The following FAT3 variants were observed in gnomAD, a reference collection of about 807,000 sequenced individuals.
FAT3 encodes the protein FAT atypical cadherin 3, also known as protocadherin Fat 3.
In FAT3, 95 loss-of-function variants were observed where a neutral mutation model predicts 310.2. The ratio of observed to expected loss-of-function variants is 0.31; its 90% CI spans 0.26 to 0.36. FAT3 has a LOEUF of 0.36. Among genes scored for constraint, FAT3 ranks in the 10% least tolerant of loss-of-function variants. The pLI, the probability that FAT3 is intolerant of heterozygous loss-of-function variation, is 1.00. For missense variants in FAT3, 5,408 were observed against 5,715.6 expected, an observed-to-expected ratio of 0.95 and a Z score of 1.74; for synonymous variants, 2,314 against 2,192.9, an observed-to-expected ratio of 1.06 and a Z score of -1.54.
intron 19 of FAT3, among the ~76,000 whole-genome samples, 156 bp downstream of exon 19, chr11:92,844,888 A>G (rs767706624): frequency 7.9e-5 from 12 of 152,368 alleles, no homozygotes; most frequent in Middle Eastern, 6.8e-3. Flanking sequence ...CTGGGGCTGC[A>G]GGAGGTACAG....
rs186782310 is a variant in FAT3, at chr11:92,460,516, T to G, written c.3293-64118T>G. On this transcript the variant is annotated intron_variant, in intron 2 of 27. Transcript: ENST00000525166. ...AGTGTGTATTGGTTTGGATTTCACT[T>G]TTCTAACAGTGGTATTTTAACAGGC... is the stretch of plus-strand genomic sequence containing the variant. Among the ~76,000 whole-genome samples the G allele has an allele frequency of 5.0e-4, 76 of 152,336 alleles. 1 individual carries two copies. Among genetic ancestry groups the G allele is most frequent in the Admixed American group, 9.1e-4 (14 of 15,304 alleles).
intron 25 of FAT3, among the ~76,000 whole-genome samples, chr11:92,888,846 G>A (rs1287935713): frequency 2.0e-5 from 3 of 152,170 alleles, no homozygotes; most frequent in African/African-American, 7.2e-5. Context: ...AGTTGTTAAC[G>A]ATAAATTAGC....
chr11:92,543,001 A>T (rs1954500996), intron 3 of FAT3, among the ~76,000 whole-genome samples: 2 of 152,180 alleles, frequency 1.3e-5, no homozygotes, highest in Non-Finnish European at 2.9e-5. Flanking sequence ...GCTGTAAAAA[A>T]GAATGAAATC....
At chr11:92,480,948 T>C (rs1952207251) in intron 2 of FAT3, among the ~76,000 whole-genome samples, 1 of 152,230 alleles carries the variant, frequency 6.6e-6, no homozygotes, top group African/African-American at 2.4e-5. Flanking sequence ...AAACTACTAA[T>C]GTTATGTCCA....
chr11:92,807,483 A>G (rs1201277564), intron 12 of FAT3, among the ~76,000 whole-genome samples: 1 of 152,188 alleles, frequency 6.6e-6, no homozygotes, highest in Non-Finnish European at 1.5e-5. Flanking sequence ...TATTAGCATC[A>G]AGTAAGCGGA....
chr11:92,866,037 C>T (rs540081347), intron 21 of FAT3, among the ~76,000 whole-genome samples: 8 of 152,284 alleles, frequency 5.3e-5, no homozygotes, highest in African/African-American at 1.9e-4. Flanking sequence ...TTTACCTAAA[C>T]CATGAGCATC....
chr11:92,692,869 C>A (rs1943834789), intron 3 of FAT3, among the ~76,000 whole-genome samples: 1 of 152,212 alleles, frequency 6.6e-6, no homozygotes, highest in East Asian at 1.9e-4. Flanking sequence ...ACCTGCATTT[C>A]TTCAAGTAGC....
At chr11:92,579,686 A>T (rs1212472326) in intron 3 of FAT3, among the ~76,000 whole-genome samples, 1 of 152,122 alleles carries the variant, frequency 6.6e-6, no homozygotes, top group Non-Finnish European at 1.5e-5. Flanking sequence ...TTAAAGAAAA[A>T]AAATACCATT....
intron 3 of FAT3, among the ~76,000 whole-genome samples, chr11:92,583,443 A>G (rs1938930931): frequency 6.6e-6 from 1 of 152,154 alleles, no homozygotes; most frequent in East Asian, 1.9e-4. Context: ...TGAGATACCT[A>G]TATATTATCT....
chr11:92,676,938 T>TG (rs1044215256), intron 3 of FAT3, among the ~76,000 whole-genome samples: 1 of 152,224 alleles, frequency 6.6e-6, no homozygotes, highest in African/African-American at 2.4e-5. Flanking sequence ...AAAGAAAGGC[T>TG]GGGATCTGGT....
At position 92,873,064 on chromosome 11, in the gene FAT3, C is replaced by T. The variant is rs148477046; in HGVS notation, c.12127+5855C>T. On this transcript the variant is annotated intron_variant, in intron 22 of 27. Transcript: ENST00000525166. ...GTTTATGAGCAATATAGAGAGGAAG[C>T]TGATTTCAGGATCTATAGTAATTAC... 1.9e-3 allele frequency among the ~76,000 whole-genome samples: 282 copies of T among 152,296 alleles called. 2 individuals carry two copies. The highest frequency in any genetic ancestry group is 6.6e-3 in the African/African-American group (274 of 41,560).
intron 3 of FAT3, among the ~76,000 whole-genome samples, chr11:92,563,129 T>C (rs1955293762): frequency 6.6e-6 from 1 of 152,242 alleles, no homozygotes; most frequent in Non-Finnish European, 1.5e-5. Context: ...TGTTACGTTG[T>C]ACCCATGGAT....
In FAT3 at chr11:92,801,593, A is replaced by G; in HGVS notation, c.8580A>G (p.Glu2860=). The change falls in exon 10 of 28, where the codon GAA becomes GAG. Residue 2860 remains glutamate, a synonymous_variant. Coordinates refer to ENST00000525166, the MANE Select transcript of FAT3 (RefSeq NM_001367949.2). ...TYSLHSDSQP[E]KVMEAFNIDS... ...CCCTCCACTCGGATTCCCAGCCCGA[A>G]AAGGTAATGGAAGCATTCAATATTG... The G allele has an allele frequency of 6.2e-7, 1 of 1,612,310 alleles. No individual in the cohort carries two copies. The highest frequency in any genetic ancestry group is 8.5e-7 in the Non-Finnish European group (1 of 1,179,080).
rs759517171 is a variant in FAT3, at chr11:92,801,368, C to T, written c.8355C>T (p.Ala2785=). 6.2e-7 allele frequency: 1 copy of T among 1,613,900 alleles called. No individual in the cohort carries two copies. The highest frequency in any genetic ancestry group is 1.1e-5 in the South Asian group (1 of 91,052). Reference sequence around the variant, plus strand: ...CAGCTTTCCACTTTAAAGTAGCAGCCACTATACCCCTGGACAAAGTAGACA... The same window carrying T: ...CAGCTTTCCACTTTAAAGTAGCAGCTACTATACCCCTGGACAAAGTAGACA... The part of the protein sequence containing the change: ...TSPAFHFKVA[A]TIPLDKVDIV... Residue 2785 remains alanine (A), a synonymous_variant, in exon 10 of 28, where the codon GCC becomes GCT. Coordinates refer to ENST00000525166, the MANE Select transcript of FAT3 (RefSeq NM_001367949.2).
intron 1 of FAT3, among the ~76,000 whole-genome samples, chr11:92,296,125 A>G (rs1406153784): frequency 1.3e-5 from 2 of 152,140 alleles, no homozygotes; most frequent in African/African-American, 4.8e-5. Flanking sequence ...ATTCTGGTCC[A>G]ACTCTGGACC....
At chr11:92,682,103 GT>G (rs1308247773) in intron 3 of FAT3, among the ~76,000 whole-genome samples, 1 of 152,178 alleles carries the variant, frequency 6.6e-6, no homozygotes, top group South Asian at 2.1e-4. Flanking sequence ...GACAACTTGA[GT>G]TTCAAATCTC....
intron 2 of FAT3, among the ~76,000 whole-genome samples, chr11:92,432,107 A>G (rs948180979): frequency 6.6e-6 from 1 of 152,110 alleles, no homozygotes; most frequent in African/African-American, 2.4e-5. Flanking sequence ...CATTTTCACA[A>G]TATTGATTCT....
intron 3 of FAT3, among the ~76,000 whole-genome samples, chr11:92,613,312 A>G (rs1940653388): frequency 6.6e-6 from 1 of 152,268 alleles, no homozygotes; most frequent in Non-Finnish European, 1.5e-5. Flanking sequence ...TCTACCTTCT[A>G]TTTAGGACTT....
intron 3 of FAT3, among the ~76,000 whole-genome samples, chr11:92,554,884 C>T (rs1037250076): frequency 2.0e-5 from 3 of 152,154 alleles, no homozygotes; most frequent in East Asian, 1.9e-4. Context: ...CTGATCCTGC[C>T]GTGTCTGCTG....
Sources: gnomAD v4.1 joint callset for allele counts (sites outside exome capture counted in the v4.1 genomes callset) on GRCh38, gnomAD v4.1.1 for gene constraint, MANE v1.5 for transcripts, NCBI Gene and HGNC (gene_info 2026-07-23, HGNC 2026-07-21) for gene names.